The following FSTL5 variants were observed in gnomAD, a reference collection of about 807,000 sequenced individuals.
The protein encoded by FSTL5 is follistatin like 5, also known as follistatin-related protein 5.
FSTL5 carries 62 observed loss-of-function variants against 89.1 expected under a neutral mutation model. The ratio of observed to expected loss-of-function variants is 0.70; its 90% CI spans 0.57 to 0.86. The LOEUF is 0.86. FSTL5 is among the 40% of genes least tolerant of loss of function. FSTL5 has a pLI of 0.00. For synonymous variants in FSTL5, 383 were observed against 346.2 expected, an observed-to-expected ratio of 1.11 and a Z score of -1.18; for missense variants, 1,057 against 1,001.6, an observed-to-expected ratio of 1.06 and a Z score of -0.75.
chr4:161,930,972 T>C (rs1293162958), intron 3 of FSTL5, among the ~76,000 whole-genome samples: 1 of 151,778 alleles, frequency 6.6e-6, no homozygotes, highest in Non-Finnish European at 1.5e-5. Context: ...ATTATACCAC[T>C]ATGATAAAAG....
At chr4:161,721,320 A>G (rs1254192118) in intron 6 of FSTL5, among the ~76,000 whole-genome samples, 3 of 151,304 alleles carry the variant, frequency 2.0e-5, no homozygotes, top group East Asian at 3.9e-4. Flanking sequence ...TTTTCTAAGA[A>G]GGTAGATCTT....
intron 3 of FSTL5, among the ~76,000 whole-genome samples, chr4:161,984,063 G>A (rs1034193784): frequency 2.0e-5 from 3 of 151,854 alleles, no homozygotes; most frequent in African/African-American, 7.3e-5. Flanking sequence ...TACTTAATCT[G>A]ATAAACATAT....
chr4:161,871,251 C>T (rs1276271607), intron 4 of FSTL5, among the ~76,000 whole-genome samples: 1 of 151,948 alleles, frequency 6.6e-6, no homozygotes, highest in African/African-American at 2.4e-5. Flanking sequence ...TAACATAGAA[C>T]ATAACATAGA....
At chr4:161,832,636 C>A (rs1427533810) in intron 4 of FSTL5, among the ~76,000 whole-genome samples, 3 of 152,106 alleles carry the variant, frequency 2.0e-5, no homozygotes, top group African/African-American at 7.2e-5. Context: ...GGAATTTATC[C>A]ATTTCTTCTA....
intron 10 of FSTL5, among the ~76,000 whole-genome samples, chr4:161,521,873 A>G (rs1175909360): frequency 6.6e-6 from 1 of 150,794 alleles, no homozygotes; most frequent in South Asian, 2.1e-4. Flanking sequence ...AAGAAAAAAA[A>G]AGAAAAAAAG....
At chr4:161,427,902 C>A (rs969915920) in intron 15 of FSTL5, among the ~76,000 whole-genome samples, 1 of 152,106 alleles carries the variant, frequency 6.6e-6, no homozygotes, top group Non-Finnish European at 1.5e-5. Flanking sequence ...CAAAATACCA[C>A]CCTTTTAAAA....
chr4:161,813,238 C>T (rs574888483), intron 4 of FSTL5, among the ~76,000 whole-genome samples: 42 of 152,008 alleles, frequency 2.8e-4, no homozygotes, highest in Non-Finnish European at 4.7e-4. Flanking sequence ...ACCGTGTTAG[C>T]AAGGATGGTC....
intron 6 of FSTL5, among the ~76,000 whole-genome samples, chr4:161,747,101 T>G (rs913652362): frequency 7.2e-5 from 11 of 152,222 alleles, no homozygotes; most frequent in African/African-American, 2.4e-4. Flanking sequence ...ACAGAAAAGA[T>G]TTCTCATCCA....
intron 8 of FSTL5, among the ~76,000 whole-genome samples, chr4:161,561,160 ATGT>A (rs1732583555): frequency 6.6e-6 from 1 of 151,736 alleles, no homozygotes. Context: ...ATTGACAGAA[ATGT>A]TGTTGTGCAG....
At chr4:161,965,777 G>A (rs1180594285) in intron 3 of FSTL5, among the ~76,000 whole-genome samples, 1 of 152,006 alleles carries the variant, frequency 6.6e-6, no homozygotes, top group Non-Finnish European at 1.5e-5. Context: ...GTGAGAAGAC[G>A]GCAGGGATTG....
chr4:161,477,103 G>A (rs1057084461), intron 13 of FSTL5, among the ~76,000 whole-genome samples: 3 of 151,860 alleles, frequency 2.0e-5, no homozygotes, highest in African/African-American at 7.3e-5. Context: ...TGTTTTGTGT[G>A]TCTGACACAA....
At chr4:161,994,623 A>G (rs1435380213) in intron 3 of FSTL5, among the ~76,000 whole-genome samples, 1 of 152,208 alleles carries the variant, frequency 6.6e-6, no homozygotes, top group African/African-American at 2.4e-5. Context: ...GCATTTCTCT[A>G]ATAATCAGTG....
At chr4:161,553,232 C>A in intron 8 of FSTL5, among the ~76,000 whole-genome samples, 2 of 150,858 alleles carry the variant, frequency 1.3e-5, no homozygotes, top group African/African-American at 2.4e-5. Flanking sequence ...TAATAATATC[C>A]AATACAATCA....
intron 15 of FSTL5, among the ~76,000 whole-genome samples, chr4:161,447,498 A>T (rs1424428618): frequency 6.6e-6 from 1 of 152,086 alleles, no homozygotes; most frequent in African/African-American, 2.4e-5. Flanking sequence ...GAGCACAGTT[A>T]ACACAGAACA....
chr4:161,971,502 C>T (rs1239322177), intron 3 of FSTL5, among the ~76,000 whole-genome samples: 1 of 152,070 alleles, frequency 6.6e-6, no homozygotes, highest in Non-Finnish European at 1.5e-5. Context: ...CATTCTCATA[C>T]TTGAAATTCT....
At chr4:162,052,534 T>C (rs946071626) in intron 2 of FSTL5, among the ~76,000 whole-genome samples, 3 of 151,724 alleles carry the variant, frequency 2.0e-5, no homozygotes, top group African/African-American at 7.2e-5. Context: ...CCCATTATTA[T>C]GAAAGCTTAG....
intron 3 of FSTL5, among the ~76,000 whole-genome samples, chr4:161,931,686 C>T (rs1475500242): frequency 6.6e-6 from 1 of 151,760 alleles, no homozygotes; most frequent in Non-Finnish European, 1.5e-5. Context: ...TTTTGGACTG[C>T]AAAGAAAGTG....
At chr4:161,438,329 ATT>A (rs201939029) in intron 15 of FSTL5, among the ~76,000 whole-genome samples, 1 of 150,322 alleles carries the variant, frequency 6.7e-6, no homozygotes, top group Non-Finnish European at 1.5e-5. Context: ...TCTTCTTACT[ATT>A]TTTTTTTCTT....
intron 3 of FSTL5, among the ~76,000 whole-genome samples, chr4:161,947,346 T>C (rs1320860318): frequency 6.6e-6 from 1 of 152,122 alleles, no homozygotes; most frequent in Non-Finnish European, 1.5e-5. Context: ...TAATTTTATA[T>C]GCTTTTTCTA....
Sources: allele counts gnomAD v4.1 joint callset (sites outside exome capture counted in the v4.1 genomes callset), GRCh38; gene constraint gnomAD v4.1.1; transcripts MANE v1.5; gene names NCBI Gene and HGNC (gene_info 2026-07-23, HGNC 2026-07-21).